The following GRAMD1B variants were observed in gnomAD, a reference collection of about 807,000 sequenced individuals.
GRAMD1B encodes GRAM domain containing 1B, also known as protein Aster-B.
A neutral mutation model predicts 99.7 loss-of-function variants in GRAMD1B; 37 were observed. The observed-to-expected ratio is 0.37, with a 90% CI of 0.29 to 0.49. The LOEUF (loss-of-function observed/expected upper bound fraction) is 0.49, where lower values mean the gene tolerates loss of function less well. GRAMD1B is among the 20% of genes least tolerant of loss of function. GRAMD1B has a pLI of 0.98. For synonymous variants in GRAMD1B, 427 were observed against 387.6 expected (o/e 1.10, Z -1.19); for missense variants, 888 against 1,009.2 (o/e 0.88, Z 1.63).
intron 1 of GRAMD1B, among the ~76,000 whole-genome samples, chr11:123,391,056 A>G (rs1293628989): frequency 6.6e-6 from 1 of 152,214 alleles, no homozygotes; most frequent in Admixed American, 6.5e-5. Flanking sequence ...CTAAATTTGC[A>G]GTTTCTAAAC....
intron 1 of GRAMD1B, chr11:123,454,816 AAAG>A (rs1412223429): frequency 6.6e-6 from 1 of 152,236 alleles, no homozygotes; most frequent in Non-Finnish European, 1.5e-5. Flanking sequence ...CTGAGGTTGT[AAAG>A]AAGAACCAAG....
chr11:123,575,324 G>A (rs891691053), intron 2 of GRAMD1B, among the ~76,000 whole-genome samples: 2 of 152,148 alleles, frequency 1.3e-5, no homozygotes, highest in African/African-American at 4.8e-5. Context: ...TTGTGTCTGA[G>A]ATAGGCATGT....
intron 1 of GRAMD1B, among the ~76,000 whole-genome samples, chr11:123,433,071 A>C (rs1237481380): frequency 2.0e-5 from 3 of 152,078 alleles, no homozygotes; most frequent in Non-Finnish European, 4.4e-5. Context: ...GTAGTTTGTC[A>C]GGCCAGGGGC....
At chr11:123,593,148 C>T (rs1336019658) in intron 4 of GRAMD1B, among the ~76,000 whole-genome samples, 1 of 152,092 alleles carries the variant, frequency 6.6e-6, no homozygotes, top group Non-Finnish European at 1.5e-5. Flanking sequence ...AGGAGAATCG[C>T]TTGAACCCGG....
rs540420051 is a variant in GRAMD1B at position 123,587,377 on chromosome 11, C to G, written c.684+3045C>G. ...TACCCCCGAAGCCCCAGTCTACCAC[C>G]CCAGTCATATTCATCAGGGCCTTCA... On this transcript the variant is annotated intron_variant, in intron 4 of 19. Transcript: ENST00000635736. The surrounding 1 kb of genome is among the most constrained non-coding windows in gnomAD (Gnocchi z 4.2). Among the ~76,000 whole-genome samples, 1 of 152,298 alleles carries G rather than the reference C, an allele frequency of 6.6e-6. No individual in the cohort carries two copies. Among genetic ancestry groups the G allele is most frequent in the Admixed American group, 6.5e-5 (1 of 15,304 alleles).
In GRAMD1B at chr11:123,366,319, A is replaced by G. The variant is rs1027991031; in HGVS notation, c.-176+7520A>G. On this transcript the variant is annotated intron_variant, in intron 1 of 20. Coordinates refer to the GRAMD1B transcript ENST00000638157. ...GCAGGAACAGTAGGGCTATTTTTTT[A>G]GAGTGTTGGCCCAACTGTGATGAGG... is the stretch of plus-strand genomic sequence containing the variant. Among the ~76,000 whole-genome samples, 8 of 152,360 alleles carry G rather than the reference A, an allele frequency of 5.3e-5. No homozygotes were observed. The East Asian group carries it at 1.5e-3, about 29-fold the overall frequency.
chr11:123,469,880 T>A (rs1008779120), intron 1 of GRAMD1B, among the ~76,000 whole-genome samples: 1 of 152,134 alleles, frequency 6.6e-6, no homozygotes, highest in African/African-American at 2.4e-5. Context: ...GTTGGGGATG[T>A]ATTTATTTAC....
At chr11:123,583,370 T>C (rs554052968) in intron 3 of GRAMD1B, among the ~76,000 whole-genome samples, 3 of 146,476 alleles carry the variant, frequency 2.0e-5, no homozygotes, top group South Asian at 2.3e-4. Context: ...TATGTGTGTG[T>C]GCACGTGTGT....
intron 1 of GRAMD1B, among the ~76,000 whole-genome samples, chr11:123,402,527 A>C (rs941343954): frequency 3.3e-5 from 5 of 152,200 alleles, no homozygotes; most frequent in Admixed American, 1.3e-4. Context: ...AGGCATTCTT[A>C]TTATCTCCAC....
chr11:123,473,446 A>AT (rs1432938138), intron 1 of GRAMD1B, among the ~76,000 whole-genome samples: 2 of 151,950 alleles, frequency 1.3e-5, no homozygotes, highest in African/African-American at 2.4e-5. Context: ...GTTTTCATTT[A>AT]TTTTTTGTAG....
At chr11:123,563,546 C>CT (rs1231905970) in intron 2 of GRAMD1B, among the ~76,000 whole-genome samples, 2 of 149,688 alleles carry the variant, frequency 1.3e-5, no homozygotes, top group Non-Finnish European at 3.0e-5. Context: ...AGGCCTCACT[C>CT]TGTCACCCAT....
At chr11:123,593,001 G>A (rs939025237) in intron 4 of GRAMD1B, among the ~76,000 whole-genome samples, 2 of 152,144 alleles carry the variant, frequency 1.3e-5, no homozygotes, top group Non-Finnish European at 2.9e-5. Flanking sequence ...GGAGGCCGAG[G>A]TGGGTGGATC....
intron 1 of GRAMD1B, among the ~76,000 whole-genome samples, chr11:123,469,655 T>C (rs1363387204): frequency 6.6e-6 from 1 of 152,192 alleles, no homozygotes; most frequent in African/African-American, 2.4e-5. Context: ...TATACGATAC[T>C]AAAAATAAGT....
At chr11:123,362,346 G>A (rs550388612) in intron 1 of GRAMD1B, among the ~76,000 whole-genome samples, 1 of 152,250 alleles carries the variant, frequency 6.6e-6, no homozygotes, top group South Asian at 2.1e-4. Flanking sequence ...AGATCCTAAT[G>A]GGCATAAAAC....
intron 1 of GRAMD1B, among the ~76,000 whole-genome samples, chr11:123,362,528 T>A (rs1167884113): frequency 1.3e-5 from 2 of 152,060 alleles, no homozygotes; most frequent in African/African-American, 2.4e-5. Flanking sequence ...TTTATTTTTT[T>A]AAAAAAGCTT....
intron 1 of GRAMD1B, among the ~76,000 whole-genome samples, chr11:123,477,946 T>G (rs1282788877): frequency 4.0e-5 from 6 of 151,826 alleles, no homozygotes; most frequent in Non-Finnish European, 8.8e-5. Context: ...GGCTAATTTT[T>G]TTTATTTGTT....
intron 2 of GRAMD1B, among the ~76,000 whole-genome samples, chr11:123,500,904 C>T (rs1939790648): frequency 6.6e-6 from 1 of 152,070 alleles, no homozygotes; most frequent in Non-Finnish European, 1.5e-5. Context: ...AAACTCCTGG[C>T]CTCAAGTGAT....
At chr11:123,616,592 C>G (rs115406903) in intron 17 of GRAMD1B, among the ~76,000 whole-genome samples, 5,392 of 152,304 alleles carry the variant, frequency 0.035, 193 homozygotes, top group African/African-American at 0.087. Context: ...TGATCAGACT[C>G]TCTAATTCAA....
chr11:123,503,227 A>G (rs1353333396), intron 2 of GRAMD1B, among the ~76,000 whole-genome samples: 1 of 152,208 alleles, frequency 6.6e-6, no homozygotes, highest in Non-Finnish European at 1.5e-5. Flanking sequence ...TTATGCAGTC[A>G]TGATCTTTTC....
Sources: allele counts gnomAD v4.1 joint callset (sites outside exome capture counted in the v4.1 genomes callset), GRCh38; gene constraint gnomAD v4.1.1; non-coding constraint Gnocchi (gnomAD v3.1); transcripts MANE v1.5; gene names NCBI Gene and HGNC (gene_info 2026-07-23, HGNC 2026-07-21).